ASAP1: variants seen among roughly 807,000 people sequenced by gnomAD.
ASAP1 encodes the protein ArfGAP with SH3 domain, ankyrin repeat and PH domain 1.
A neutral mutation model predicts 145.2 loss-of-function variants in ASAP1; 43 were observed. That is an observed-to-expected ratio of 0.30 (90% confidence interval 0.23 to 0.38). ASAP1 has a LOEUF of 0.38. ASAP1 is among the 10% of genes least tolerant of loss of function. The pLI, the probability that ASAP1 is intolerant of heterozygous loss-of-function variation, is 1.00. For synonymous variants in ASAP1, 546 were observed against 515.5 expected, an observed-to-expected ratio of 1.06 and a Z score of -0.80; for missense variants, 1,018 against 1,355.3, an observed-to-expected ratio of 0.75 and a Z score of 3.91.
intron 3 of ASAP1, among the ~76,000 whole-genome samples, chr8:130,237,230 A>G (rs1401372853): frequency 1.3e-5 from 2 of 152,144 alleles, no homozygotes; most frequent in Non-Finnish European, 2.9e-5. Flanking sequence ...ATAGCATTTT[A>G]GTCAGTCAAT....
rs2097442381 is a variant in ASAP1 at position 130,070,857 on chromosome 8, GGGAGA to G, written c.2701+5486_2701+5490del. Reference sequence around the variant, plus strand: ...AGAGAGAGGGAGAGAGGGAGAGAGAGGGAGAGAGGGAGAGAGAGGGAGAGAGGGAG... The same window carrying G: ...AGAGAGAGGGAGAGAGGGAGAGAGAGGAGGGAGAGAGAGGGAGAGAGGGAG... On this transcript the variant is annotated intron_variant, in intron 27 of 29. Coordinates refer to ENST00000518721, the MANE Select transcript of ASAP1 (RefSeq NM_018482.4). 3.9e-4 allele frequency among the ~76,000 whole-genome samples: 3 copies of G among 7,788 alleles called. 1 individual carries two copies. The highest frequency in any genetic ancestry group is 1.1e-3 in the African/African-American group (2 of 1,814). 5.1% of individuals were successfully genotyped at this position (7,788 alleles called of 152,430 possible). A position where few individuals can be genotyped will look rare whatever the true frequency, so the allele number is the denominator to read the frequency against.
At chr8:130,243,932 C>A (rs1818695622) in intron 3 of ASAP1, among the ~76,000 whole-genome samples, 1 of 152,172 alleles carries the variant, frequency 6.6e-6, no homozygotes, top group Non-Finnish European at 1.5e-5. Flanking sequence ...GTGGTGCTAT[C>A]CTGTTCATGG....
rs116647253 is a variant in ASAP1 at position 130,385,983 on chromosome 8, T to A, written c.59+15902A>T. On this transcript the variant is annotated intron_variant, in intron 2 of 29. Coordinates refer to ENST00000518721, the MANE Select transcript of ASAP1 (RefSeq NM_018482.4). ...TGTCCAATCAGAATAGTCCATGGCC[T>A]TGTCCACAGTGACTGGTACAGGGCT... Among the ~76,000 whole-genome samples the A allele has an allele frequency of 7.7e-3, 1,168 of 152,328 alleles. 18 individuals carry two copies. The highest frequency in any genetic ancestry group is 0.027 in the African/African-American group (1,108 of 41,568).
At chr8:130,322,093 T>C (rs1441909465) in intron 3 of ASAP1, among the ~76,000 whole-genome samples, 2 of 152,200 alleles carry the variant, frequency 1.3e-5, no homozygotes, top group African/African-American at 4.8e-5. Context: ...TCTCTAGAGA[T>C]TTTTTGTTAA....
intron 29 of ASAP1, among the ~76,000 whole-genome samples, chr8:130,056,939 A>G (rs1230331885): frequency 6.6e-6 from 1 of 152,186 alleles, no homozygotes; most frequent in African/African-American, 2.4e-5. Context: ...AAACCAATAG[A>G]TGTGTGGACT....
intron 13 of ASAP1, among the ~76,000 whole-genome samples, chr8:130,146,372 A>G (rs2097630364): frequency 6.6e-6 from 1 of 152,186 alleles, no homozygotes; most frequent in Admixed American, 6.5e-5. Context: ...CCAACAGCAC[A>G]TACTCTAACC....
intron 3 of ASAP1, among the ~76,000 whole-genome samples, chr8:130,264,506 A>G (rs1222317756): frequency 1.3e-5 from 2 of 152,218 alleles, no homozygotes; most frequent in African/African-American, 4.8e-5. Flanking sequence ...AAGTGGCCCA[A>G]GCAACACCTC....
chr8:130,271,145 C>T (rs945799155), intron 3 of ASAP1, among the ~76,000 whole-genome samples: 1 of 152,168 alleles, frequency 6.6e-6, no homozygotes, highest in African/African-American at 2.4e-5. Context: ...TTCTCATTCC[C>T]AAGTCTTTAT....
intron 27 of ASAP1, among the ~76,000 whole-genome samples, chr8:130,061,497 CA>C (rs1179124060): frequency 6.6e-6 from 1 of 152,038 alleles, no homozygotes; most frequent in Non-Finnish European, 1.5e-5. Flanking sequence ...CAGTATTTGT[CA>C]TGTTATTAAA....
intron 9 of ASAP1, chr8:130,178,968 G>C: frequency 4.2e-6 from 1 of 238,640 alleles, no homozygotes; most frequent in South Asian, 1.0e-4. Flanking sequence ...TCAGTGACAG[G>C]GGATCATGCA....
At chr8:130,335,604 T>C (rs1824982675) in intron 3 of ASAP1, among the ~76,000 whole-genome samples, 1 of 151,958 alleles carries the variant, frequency 6.6e-6, no homozygotes, top group Non-Finnish European at 1.5e-5. Flanking sequence ...ACCACCCTAG[T>C]GGAAAAAGAG....
chr8:130,144,856 T>A (rs1314104075), intron 13 of ASAP1, among the ~76,000 whole-genome samples: 1 of 152,232 alleles, frequency 6.6e-6, no homozygotes, highest in Non-Finnish European at 1.5e-5. Context: ...AAGGGACTCA[T>A]TTCCAGTTGG....
chr8:130,054,825 T>C lies in ASAP1; in HGVS notation c.3316-20A>G. 6.2e-7 allele frequency: 1 copy of C among 1,605,708 alleles called. No homozygotes were observed. The highest frequency in any genetic ancestry group is 8.5e-7 in the Non-Finnish European group (1 of 1,172,934). ...GCCAATCTGCAGGGAGAAAAGAGAG[T>C]GGTCAGGATGGAGGCAGCAGGCAGT... On this transcript the variant is annotated intron_variant, in intron 29 of 29. Transcript: ENST00000518721.
chr8:130,304,497 C>T (rs945337292), intron 3 of ASAP1, among the ~76,000 whole-genome samples: 3 of 152,210 alleles, frequency 2.0e-5, no homozygotes, highest in African/African-American at 7.2e-5. Context: ...CTAGCAGAGG[C>T]TCAAAGCCAA....
At chr8:130,134,945 C>A (rs1352590030) in intron 14 of ASAP1, among the ~76,000 whole-genome samples, 1 of 152,114 alleles carries the variant, frequency 6.6e-6, no homozygotes, top group Non-Finnish European at 1.5e-5. Flanking sequence ...ATACTATGCC[C>A]CAGATGTTGG....
intron 25 of ASAP1, among the ~76,000 whole-genome samples, chr8:130,081,044 G>A (rs1287042675): frequency 6.6e-6 from 1 of 152,226 alleles, no homozygotes; most frequent in African/African-American, 2.4e-5. Flanking sequence ...TCTGGCCTGT[G>A]AGACTTAAGA....
intron 2 of ASAP1, among the ~76,000 whole-genome samples, chr8:130,390,717 C>A (rs1828238241): frequency 6.6e-6 from 1 of 152,118 alleles, no homozygotes; most frequent in African/African-American, 2.4e-5. Context: ...AAGGCATTCA[C>A]CAGTTACAAG....
chr8:130,364,067 A>T lies in ASAP1; in HGVS notation c.60-5924T>A, dbSNP rs79889256. Among the ~76,000 whole-genome samples the T allele has an allele frequency of 2.5e-3, 377 of 152,230 alleles. 1 individual carries two copies. The highest frequency in any genetic ancestry group is 0.01 in the Middle Eastern group (3 of 294). ...GCAATTTCAGGTAATAATAATAATT[A>T]AAAAAAGCCAATTCTAGTCCCAAAT... On this transcript the variant is annotated intron_variant, in intron 2 of 29. Transcript: ENST00000518721.
chr8:130,055,749 T>C (rs988222609), intron 29 of ASAP1, among the ~76,000 whole-genome samples: 8 of 152,146 alleles, frequency 5.3e-5, no homozygotes, highest in Admixed American at 4.6e-4. Flanking sequence ...GGGCCTTCAA[T>C]AGAAAAAACA....
Sources: gnomAD v4.1 joint callset for allele counts (sites outside exome capture counted in the v4.1 genomes callset) on GRCh38, gnomAD v4.1.1 for gene constraint, MANE v1.5 for transcripts, NCBI Gene and HGNC (gene_info 2026-07-23, HGNC 2026-07-21) for gene names.